RPS6KC1: variants seen among roughly 807,000 people sequenced by gnomAD.
The protein encoded by RPS6KC1 is ribosomal protein S6 kinase C1.
In RPS6KC1, 54 loss-of-function variants were observed where a neutral mutation model predicts 103.8. The ratio of observed to expected loss-of-function variants is 0.52; its 90% CI spans 0.42 to 0.65. The LOEUF is 0.65. Among genes scored for constraint, RPS6KC1 ranks in the 30% least tolerant of loss-of-function variants. The probability of loss-of-function intolerance (pLI) is 0.00; values close to 1 mark genes in which losing one functional copy is unlikely to be tolerated. For synonymous variants in RPS6KC1, 439 were observed against 438.7 expected, an observed-to-expected ratio of 1.00 and a Z score of -0.01; for missense variants, 1,151 against 1,253.8, an observed-to-expected ratio of 0.92 and a Z score of 1.24.
intron 7 of RPS6KC1, among the ~76,000 whole-genome samples, chr1:213,174,924 T>C (rs1198278066): frequency 6.6e-6 from 1 of 152,188 alleles, no homozygotes; most frequent in Non-Finnish European, 1.5e-5. Context: ...GGTTATTATC[T>C]AGTCTAATTG....
At chr1:213,621,723 C>T in the RPS6KC1 span, among the ~76,000 whole-genome samples, 2 of 151,980 alleles carry the variant, frequency 1.3e-5, no homozygotes, top group South Asian at 2.1e-4. Flanking sequence ...AATGTGGGGC[C>T]CTTTATTCCA....
At chr1:213,392,233 G>A in the RPS6KC1 span, among the ~76,000 whole-genome samples, 13 of 152,062 alleles carry the variant, frequency 8.5e-5, no homozygotes, top group Non-Finnish European at 1.9e-4. Flanking sequence ...TTCTGGTGCT[G>A]TTGAAACTCA....
intron 6 of RPS6KC1, among the ~76,000 whole-genome samples, chr1:213,157,389 A>G (rs1232640108): frequency 6.6e-6 from 1 of 151,874 alleles, no homozygotes; most frequent in Non-Finnish European, 1.5e-5. Flanking sequence ...TTATGTTTTT[A>G]GTAGAGACGG....
At chr1:213,526,026 A>C in the RPS6KC1 span, among the ~76,000 whole-genome samples, 1 of 152,114 alleles carries the variant, frequency 6.6e-6, no homozygotes, top group East Asian at 1.9e-4. Flanking sequence ...ATTTTTAAAA[A>C]ATGGGAGATA....
At chr1:213,317,593 T>C in the RPS6KC1 span, among the ~76,000 whole-genome samples, 2 of 152,168 alleles carry the variant, frequency 1.3e-5, no homozygotes, top group African/African-American at 4.8e-5. Context: ...GGGGCATCAA[T>C]GTATGAATTT....
At chr1:213,151,106 T>G (rs1248733104) in intron 6 of RPS6KC1, among the ~76,000 whole-genome samples, 36 of 114,082 alleles carry the variant, frequency 3.2e-4, no homozygotes, top group African/African-American at 1.1e-3. Flanking sequence ...ATGGGGGGGC[T>G]GGCTGGGCGG....
intron 8 of RPS6KC1, among the ~76,000 whole-genome samples, chr1:213,217,532 G>A (rs575927211): frequency 1.6e-4 from 25 of 152,198 alleles, no homozygotes; most frequent in Admixed American, 5.9e-4. Context: ...TGAGGCCAGC[G>A]TCATCCTGAT....
the RPS6KC1 span, chr1:213,429,114 T>C: frequency 6.6e-6 from 1 of 152,238 alleles, no homozygotes; most frequent in African/African-American, 2.4e-5. Flanking sequence ...TCTGGGAGTT[T>C]ATTTTCAAAG....
At chr1:213,535,029 A>G in the RPS6KC1 span, among the ~76,000 whole-genome samples, 1 of 152,230 alleles carries the variant, frequency 6.6e-6, no homozygotes, top group Non-Finnish European at 1.5e-5. Context: ...CTGACACTGC[A>G]AACTACCTAG....
the RPS6KC1 span, among the ~76,000 whole-genome samples, chr1:213,636,928 A>C: frequency 6.6e-6 from 1 of 152,172 alleles, no homozygotes; most frequent in East Asian, 1.9e-4. Flanking sequence ...AAGAAAAAAA[A>C]CAACCCCATC....
chr1:213,777,657 G>A, the RPS6KC1 span, among the ~76,000 whole-genome samples: 6 of 152,048 alleles, frequency 3.9e-5, no homozygotes, highest in Non-Finnish European at 5.9e-5. Context: ...CCCAAAATCC[G>A]CAATGTCTGC....
chr1:213,744,429 C>G, the RPS6KC1 span, among the ~76,000 whole-genome samples: 1 of 152,200 alleles, frequency 6.6e-6, no homozygotes, highest in Admixed American at 6.5e-5. Context: ...TGTGCAAAGG[C>G]AGCTTCAAAA....
chr1:213,097,037 C>T (rs1370009031), intron 3 of RPS6KC1, among the ~76,000 whole-genome samples: 1 of 152,096 alleles, frequency 6.6e-6, no homozygotes, highest in African/African-American at 2.4e-5. Flanking sequence ...TTCGAGTGAA[C>T]CAGATTCATT....
At chr1:213,736,430 A>G in the RPS6KC1 span, among the ~76,000 whole-genome samples, 3 of 152,224 alleles carry the variant, frequency 2.0e-5, no homozygotes, top group Non-Finnish European at 4.4e-5. Context: ...GACAACACAC[A>G]GTTTCTTGCC....
At chr1:213,215,344 A>AG (rs2148709724) in intron 8 of RPS6KC1, among the ~76,000 whole-genome samples, 1 of 152,328 alleles carries the variant, frequency 6.6e-6, no homozygotes, top group East Asian at 1.9e-4. Flanking sequence ...AATAAAAAGA[A>AG]ACGAACAAAG....
At chr1:213,782,438 A>G in the RPS6KC1 span, among the ~76,000 whole-genome samples, 1 of 152,136 alleles carries the variant, frequency 6.6e-6, no homozygotes. Context: ...TGCACCTGGT[A>G]AACACCATTC....
chr1:213,749,329 G>A, the RPS6KC1 span, among the ~76,000 whole-genome samples: 4 of 152,308 alleles, frequency 2.6e-5, no homozygotes, highest in African/African-American at 7.2e-5. Flanking sequence ...CAACTCTACT[G>A]CAGCTGGGGC....
chr1:213,219,162 A>G (rs2093753915), intron 8 of RPS6KC1, among the ~76,000 whole-genome samples: 1 of 152,234 alleles, frequency 6.6e-6, no homozygotes, highest in Admixed American at 6.5e-5. Context: ...CAACAAATTT[A>G]CAAGAAAAAT....
the RPS6KC1 span, among the ~76,000 whole-genome samples, chr1:213,284,753 A>G: frequency 1.3e-5 from 2 of 152,136 alleles, no homozygotes; most frequent in East Asian, 1.9e-4. Context: ...CACCATATGA[A>G]AAAAGCACAC....
Sources: gnomAD v4.1 joint callset for allele counts (sites outside exome capture counted in the v4.1 genomes callset) on GRCh38, gnomAD v4.1.1 for gene constraint, MANE v1.5 for transcripts, NCBI Gene and HGNC (gene_info 2026-07-23, HGNC 2026-07-21) for gene names.